SLC24A2: variants seen among roughly 807,000 people sequenced by gnomAD.
SLC24A2 encodes the protein sodium/potassium/calcium exchanger 2.
In SLC24A2, 36 loss-of-function variants were observed where a neutral mutation model predicts 62.0. That is an observed-to-expected ratio of 0.58 (90% CI 0.44 to 0.77). The LOEUF (loss-of-function observed/expected upper bound fraction) is 0.77, where lower values mean the gene tolerates loss of function less well. SLC24A2 is among the 30% of genes least tolerant of loss of function. SLC24A2 has a pLI of 0.00. For synonymous variants in SLC24A2, 358 were observed against 294.0 expected (o/e 1.22, Z -2.23); for missense variants, 846 against 817.9 (o/e 1.03, Z -0.42).
chr9:20,009,971 C>T, the SLC24A2 span, among the ~76,000 whole-genome samples: 1 of 152,130 alleles, frequency 6.6e-6, no homozygotes, highest in East Asian at 1.9e-4. Flanking sequence ...CCATGCTGAA[C>T]CACAAATTCC....
intron 8 of SLC24A2, among the ~76,000 whole-genome samples, chr9:19,546,892 T>A (rs1403547361): frequency 2.6e-5 from 4 of 152,190 alleles, no homozygotes; most frequent in Non-Finnish European, 4.4e-5. Context: ...CAGAGTGCAC[T>A]GTTCCTCATG....
chr9:20,290,470 C>T, the SLC24A2 span, among the ~76,000 whole-genome samples: 1 of 152,258 alleles, frequency 6.6e-6, no homozygotes, highest in African/African-American at 2.4e-5. Context: ...CTTCTCTAAG[C>T]AGTTGCTGAT....
chr9:20,130,409 G>T, the SLC24A2 span, among the ~76,000 whole-genome samples: 49 of 152,004 alleles, frequency 3.2e-4, no homozygotes, highest in South Asian at 6.2e-4. Context: ...GTCAAGGAAG[G>T]CCTCTCTGAG....
chr9:19,676,234 G>A (rs913622392), intron 2 of SLC24A2, among the ~76,000 whole-genome samples: 3 of 152,136 alleles, frequency 2.0e-5, no homozygotes, highest in Middle Eastern at 3.2e-3. Flanking sequence ...GCTGTCTACC[G>A]GGGCCTGCAG....
intron 2 of SLC24A2, among the ~76,000 whole-genome samples, chr9:19,687,094 C>T (rs561359309): frequency 5.3e-4 from 81 of 152,046 alleles, no homozygotes; most frequent in Middle Eastern, 6.8e-3. Context: ...CACATAGACA[C>T]AAAGAAGGGA....
chr9:20,286,404 G>T, the SLC24A2 span, among the ~76,000 whole-genome samples: 8 of 152,288 alleles, frequency 5.3e-5, 1 homozygote, highest in Admixed American at 5.2e-4. Context: ...TTTGTTCTTT[G>T]CTTATTTCCT....
chr9:19,791,139 A>T (rs1823315508), upstream of SLC24A2, among the ~76,000 whole-genome samples: 1 of 152,204 alleles, frequency 6.6e-6, no homozygotes, highest in South Asian at 2.1e-4. Flanking sequence ...TAGCTTCAAG[A>T]TGCTATCTGG....
chr9:19,526,105 A>G (rs1263601236), intron 9 of SLC24A2, among the ~76,000 whole-genome samples: 1 of 152,142 alleles, frequency 6.6e-6, no homozygotes, highest in African/African-American at 2.4e-5. Flanking sequence ...AAATCATATG[A>G]TGTGTCCTTT....
the SLC24A2 span, among the ~76,000 whole-genome samples, chr9:20,013,580 A>C: frequency 6.6e-6 from 1 of 152,360 alleles, no homozygotes; most frequent in Non-Finnish European, 1.5e-5. Context: ...CAAACTAAAA[A>C]GCTTTTGCAC....
chr9:19,551,561 C>T (rs1224512445), intron 7 of SLC24A2, among the ~76,000 whole-genome samples: 1 of 152,124 alleles, frequency 6.6e-6, no homozygotes, highest in Non-Finnish European at 1.5e-5. Flanking sequence ...CTAAAAATAT[C>T]AACAGGAACT....
intron 7 of SLC24A2, among the ~76,000 whole-genome samples, chr9:19,566,939 A>G (rs1372674877): frequency 6.6e-6 from 1 of 151,058 alleles, no homozygotes; most frequent in Non-Finnish European, 1.5e-5. Context: ...GACGGGGAAC[A>G]TCACACACCG....
chr9:19,813,317 C>CTTTT, the SLC24A2 span, among the ~76,000 whole-genome samples: 460 of 86,264 alleles, frequency 5.3e-3, 7 homozygotes, highest in African/African-American at 9.0e-3. Context: ...TCATCTTCCT[C>CTTTT]TTTTTTTTTT....
At chr9:20,086,084 A>T in the SLC24A2 span, among the ~76,000 whole-genome samples, 4 of 152,156 alleles carry the variant, frequency 2.6e-5, no homozygotes, top group Non-Finnish European at 5.9e-5. Context: ...ACCAGATGAC[A>T]CTGTTGCTCC....
At chr9:20,279,034 C>G in the SLC24A2 span, among the ~76,000 whole-genome samples, 1 of 152,030 alleles carries the variant, frequency 6.6e-6, no homozygotes, top group Non-Finnish European at 1.5e-5. Context: ...AGAATGAGAG[C>G]AAAATGGGGA....
chr9:20,304,101 T>C, the SLC24A2 span, among the ~76,000 whole-genome samples: 11 of 152,216 alleles, frequency 7.2e-5, no homozygotes, highest in African/African-American at 1.2e-4. Context: ...CTGAAATATC[T>C]GATTAAAGAG....
the SLC24A2 span, among the ~76,000 whole-genome samples, chr9:20,107,618 G>A: frequency 2.6e-5 from 4 of 152,160 alleles, no homozygotes; most frequent in Admixed American, 6.5e-5. Context: ...TTCATAAATG[G>A]TGCTGGGAAA....
chr9:20,279,408 G>A, the SLC24A2 span, among the ~76,000 whole-genome samples: 3 of 152,180 alleles, frequency 2.0e-5, no homozygotes, highest in Admixed American at 1.3e-4. Flanking sequence ...GCGGATGCCT[G>A]TAATCCCAGC....
the SLC24A2 span, among the ~76,000 whole-genome samples, chr9:20,155,970 T>C: frequency 6.6e-6 from 1 of 151,774 alleles, no homozygotes; most frequent in Non-Finnish European, 1.5e-5. Flanking sequence ...TTGTCATGCA[T>C]TATAATAATT....
chr9:19,739,193 A>G (rs945913693), intron 2 of SLC24A2, among the ~76,000 whole-genome samples: 1 of 152,244 alleles, frequency 6.6e-6, no homozygotes, highest in Non-Finnish European at 1.5e-5. Flanking sequence ...TACATTATTT[A>G]CAGAAAACAA....
Sources: gnomAD v4.1 joint callset for allele counts (sites outside exome capture counted in the v4.1 genomes callset) on GRCh38, gnomAD v4.1.1 for gene constraint, MANE v1.5 for transcripts, NCBI Gene and HGNC (gene_info 2026-07-23, HGNC 2026-07-21) for gene names.